DPP10: variants seen among roughly 807,000 people sequenced by gnomAD.
DPP10 encodes inactive dipeptidyl peptidase 10.
A neutral mutation model predicts 120.9 loss-of-function variants in DPP10; 33 were observed. The ratio of observed to expected loss-of-function variants is 0.27; its 90% confidence interval spans 0.21 to 0.37. The LOEUF (loss-of-function observed/expected upper bound fraction) is 0.37, where lower values mean the gene tolerates loss of function less well. DPP10 is among the 10% of genes least tolerant of loss of function. The pLI is 1.00. For missense variants in DPP10, 816 were observed against 942.8 expected, an observed-to-expected ratio of 0.87 and a Z score of 1.76; for synonymous variants, 337 against 326.1, an observed-to-expected ratio of 1.03 and a Z score of -0.36.
At chr2:115,404,351 C>G (rs868588847) in intron 3 of DPP10, among the ~76,000 whole-genome samples, 10 of 152,154 alleles carry the variant, frequency 6.6e-5, no homozygotes, top group African/African-American at 2.2e-4. Context: ...CATGAGAAAT[C>G]TGTTCCCATA....
intron 8 of DPP10, among the ~76,000 whole-genome samples, chr2:115,729,137 G>A (rs1337660301): frequency 6.6e-6 from 1 of 152,170 alleles, no homozygotes; most frequent in Admixed American, 6.5e-5. Context: ...AGTGTTCATT[G>A]GTTGAGAGTT....
intron 3 of DPP10, among the ~76,000 whole-genome samples, chr2:115,368,525 A>G (rs930006659): frequency 6.6e-6 from 1 of 152,084 alleles, no homozygotes; most frequent in Admixed American, 6.6e-5. Flanking sequence ...TTGAAGCACC[A>G]TATCATATCA....
intron 19 of DPP10, among the ~76,000 whole-genome samples, chr2:115,811,799 C>A (rs533718225): frequency 6.6e-6 from 1 of 152,054 alleles, no homozygotes; most frequent in African/African-American, 2.4e-5. Context: ...AATGGGATTA[C>A]CTCTGACATA....
intron 19 of DPP10, among the ~76,000 whole-genome samples, chr2:115,797,338 T>C (rs561070481): frequency 1.5e-3 from 233 of 152,054 alleles, no homozygotes; most frequent in Non-Finnish European, 2.7e-3. Context: ...GAGAGGTGAG[T>C]TCATTTTGTT....
At chr2:115,329,677 A>G (rs1005614883) in intron 2 of DPP10, among the ~76,000 whole-genome samples, 2 of 152,130 alleles carry the variant, frequency 1.3e-5, no homozygotes, top group African/African-American at 4.8e-5. Flanking sequence ...ATGAGTGAGA[A>G]CATGAGGTGT....
At chr2:114,871,947 G>C (rs1305061072) in intron 1 of DPP10, among the ~76,000 whole-genome samples, 1 of 152,168 alleles carries the variant, frequency 6.6e-6, no homozygotes, top group Non-Finnish European at 1.5e-5. Context: ...AAGGATCTAG[G>C]TTGTGAGCTC....
chr2:114,721,077 C>T (rs1340720134), intron 1 of DPP10, among the ~76,000 whole-genome samples: 2 of 152,218 alleles, frequency 1.3e-5, no homozygotes, highest in Non-Finnish European at 2.9e-5. Flanking sequence ...CCTATCCCAC[C>T]CTGACGAGGT....
At chr2:115,785,958 T>C (rs1683297594) in intron 17 of DPP10, among the ~76,000 whole-genome samples, 2 of 152,096 alleles carry the variant, frequency 1.3e-5, no homozygotes, top group African/African-American at 4.8e-5. Context: ...GGATAGCTTC[T>C]TTGGAAATAC....
intron 1 of DPP10, among the ~76,000 whole-genome samples, chr2:114,670,323 A>G (rs1698240214): frequency 6.6e-6 from 1 of 152,250 alleles, no homozygotes; most frequent in Non-Finnish European, 1.5e-5. Context: ...AATGTGGTAC[A>G]TATACACCAC....
At chr2:114,597,773 G>A (rs1441525575) in intron 1 of DPP10, among the ~76,000 whole-genome samples, 1 of 151,778 alleles carries the variant, frequency 6.6e-6, no homozygotes, top group Non-Finnish European at 1.5e-5. Context: ...GAAATTCATG[G>A]CACTTATGTT....
chr2:114,841,319 A>C (rs77963715), intron 1 of DPP10, among the ~76,000 whole-genome samples: 22 of 152,296 alleles, frequency 1.4e-4, no homozygotes, highest in African/African-American at 4.1e-4. Flanking sequence ...CATTGACTGC[A>C]TAGGGCTGGC....
rs1687246656 is a variant in DPP10, at chr2:114,832,687, A to T, written c.60+389849A>T. Among the ~76,000 whole-genome samples the T allele has an allele frequency of 5.3e-5, 8 of 152,364 alleles. No homozygotes were observed. In the South Asian group the frequency reaches 1.7e-3, roughly 32 times the overall value. On this transcript the variant is annotated intron_variant, in intron 1 of 25. Transcript: ENST00000410059. ...AATATTATTTTTCCTATTTACAGAG[A>T]TATCTAATAGCCCAAACAAATATTT...
At chr2:115,303,660 AT>A (rs905063454) in intron 1 of DPP10, among the ~76,000 whole-genome samples, 10 of 151,244 alleles carry the variant, frequency 6.6e-5, no homozygotes, top group Admixed American at 2.0e-4. Flanking sequence ...TTTTACCTTT[AT>A]TTTTTTTAAC....
chr2:115,646,961 A>G (rs1284247493), intron 5 of DPP10, among the ~76,000 whole-genome samples: 5 of 152,170 alleles, frequency 3.3e-5, no homozygotes, highest in African/African-American at 9.7e-5. Flanking sequence ...GGTCACCAAA[A>G]CTGTAGGCTA....
rs1017062446 is a variant in DPP10, at chr2:115,836,049, G to A, written c.1951-108G>A. 15 of 582,766 alleles carry A rather than the reference G, an allele frequency of 2.6e-5. No individual in the cohort carries two copies. In the East Asian group the frequency reaches 5.5e-4, roughly 21 times the overall value. The allele number at this position is 582,766 out of a possible 1,614,324, so 36.1% of individuals were successfully genotyped here. A position where few individuals can be genotyped will look rare whatever the true frequency, so the allele number is the denominator to read the frequency against. Reference sequence around the variant, plus strand: ...GTACAGTACCAAACATTGATCAAAAGCTAAAAATGTCTCCAGGCATAGTTG... The same window carrying A: ...GTACAGTACCAAACATTGATCAAAAACTAAAAATGTCTCCAGGCATAGTTG... On this transcript the variant is annotated intron_variant, in intron 21 of 25. Transcript: ENST00000410059.
intron 1 of DPP10, among the ~76,000 whole-genome samples, chr2:114,505,429 G>A (rs1468043708): frequency 6.6e-6 from 1 of 151,792 alleles, no homozygotes; most frequent in African/African-American, 2.4e-5. Flanking sequence ...TCTTGGTACA[G>A]GGAGAGCACC....
Position 115,842,233 on chromosome 2 carries a change from A to T in DPP10, c.2279A>T (p.Asn760Ile). The change falls in exon 26 of 26, where the codon AAC (asparagine) becomes ATC (isoleucine). Residue 760 changes from asparagine (N) to isoleucine (I), a missense_variant. Around this residue, in one of 3 missense-constraint regions of DPP10, gnomAD observed 592 missense variants for 649.0 expected, o/e 0.91. Transcript: ENST00000410059. ...TMQVYPDEGH[N>I]VSEKSKYHLY... ...TAGGTCTACCCAGATGAAGGTCATA[A>T]CGTATCTGAGAAGAGCAAGTATCAT... is the stretch of plus-strand genomic sequence containing the variant. The T allele has an allele frequency of 6.2e-7, 1 of 1,613,300 alleles. No homozygotes were observed. Among genetic ancestry groups the T allele is most frequent in the Non-Finnish European group, 8.5e-7 (1 of 1,179,404 alleles).
chr2:115,840,279 T>C (rs2150133533), intron 24 of DPP10, among the ~76,000 whole-genome samples: 1 of 150,160 alleles, frequency 6.7e-6, no homozygotes, highest in Non-Finnish European at 1.5e-5. Context: ...GTATTTGTAT[T>C]TACCAGCTTT....
intron 1 of DPP10, among the ~76,000 whole-genome samples, chr2:115,131,627 C>T (rs929567853): frequency 6.6e-6 from 1 of 152,154 alleles, no homozygotes; most frequent in Non-Finnish European, 1.5e-5. Flanking sequence ...AAAAAACATG[C>T]TTTCAAATCC....
Sources: allele counts gnomAD v4.1 joint callset (sites outside exome capture counted in the v4.1 genomes callset), GRCh38; gene constraint gnomAD v4.1.1; regional missense constraint gnomAD v4.1.1; transcripts MANE v1.5; gene names NCBI Gene and HGNC (gene_info 2026-07-23, HGNC 2026-07-21).